The following PDE1A variants were observed in gnomAD, a reference collection of about 807,000 sequenced individuals.
The protein encoded by PDE1A is phosphodiesterase 1A.
In PDE1A, 35 loss-of-function variants were observed where a neutral mutation model predicts 61.7. The observed-to-expected ratio is 0.57, with a 90% CI of 0.43 to 0.75. The LOEUF (loss-of-function observed/expected upper bound fraction) is 0.75, where lower values mean the gene tolerates loss of function less well. Ranked by LOEUF, PDE1A falls within the 30% of genes least tolerant of loss-of-function variation. The probability of loss-of-function intolerance (pLI) is 0.00; values close to 1 mark genes in which losing one functional copy is unlikely to be tolerated. For missense variants in PDE1A, 597 were observed against 630.6 expected (o/e 0.95, Z 0.57); for synonymous variants, 232 against 213.2 (o/e 1.09, Z -0.77).
At chr2:182,653,662 T>C in the PDE1A span, among the ~76,000 whole-genome samples, 1 of 152,214 alleles carries the variant, frequency 6.6e-6, no homozygotes, top group Non-Finnish European at 1.5e-5. Flanking sequence ...GGGATTGATG[T>C]AATCAACTTG....
the PDE1A span, among the ~76,000 whole-genome samples, chr2:182,610,039 G>T: frequency 1.7e-4 from 25 of 149,914 alleles, no homozygotes; most frequent in African/African-American, 5.9e-4. Flanking sequence ...AGTGAGCCAA[G>T]ATTATGCCAC....
the PDE1A span, among the ~76,000 whole-genome samples, chr2:182,536,211 C>G: frequency 1.6e-4 from 24 of 152,318 alleles, no homozygotes; most frequent in Middle Eastern, 6.8e-3. Flanking sequence ...TAAAAAGCTA[C>G]AGTTTTCCAA....
the PDE1A span, among the ~76,000 whole-genome samples, chr2:182,678,886 C>T: frequency 2.6e-5 from 4 of 151,860 alleles, no homozygotes; most frequent in Non-Finnish European, 5.9e-5. Context: ...TTTCATTGCA[C>T]AGTATGGTAA....
Position 182,463,195 on chromosome 2 carries a change from C to T in PDE1A, c.101+59081G>A, listed in dbSNP as rs142438586. On this transcript the variant is annotated intron_variant, in intron 2 of 14. Transcript: ENST00000410103. ...CGGAGGTTGCAGTGAGCTGAGAGTG[C>T]GCCACTGCACTCCAGCCTGGGTGAC... 9.9e-3 allele frequency among the ~76,000 whole-genome samples: 1,504 copies of T among 151,714 alleles called. 20 individuals carry two copies. Among genetic ancestry groups the T allele is most frequent in the African/African-American group, 0.034 (1,397 of 41,338 alleles).
the PDE1A span, among the ~76,000 whole-genome samples, chr2:182,528,574 T>A: frequency 1.3e-5 from 2 of 152,156 alleles, no homozygotes; most frequent in Non-Finnish European, 2.9e-5. Flanking sequence ...GAAATTTGCA[T>A]AAGTAATGAG....
intron 2 of PDE1A, among the ~76,000 whole-genome samples, chr2:182,447,696 C>T (rs1032376428): frequency 6.6e-6 from 1 of 152,054 alleles, no homozygotes; most frequent in Non-Finnish European, 1.5e-5. Context: ...TCTATCTATA[C>T]TTTCCTATGG....
chr2:182,527,351 TATATATATATATATATATATATAC>T (rs1559543480), upstream of PDE1A, among the ~76,000 whole-genome samples: 326 of 79,854 alleles, frequency 4.1e-3, 14 homozygotes, highest in Admixed American at 4.8e-3. Flanking sequence ...TATATATATA[TATATATATATATATATATATATAC>T]ACATATATAT....
chr2:182,711,909 T>C, the PDE1A span, among the ~76,000 whole-genome samples: 2 of 152,192 alleles, frequency 1.3e-5, no homozygotes, highest in Non-Finnish European at 2.9e-5. Flanking sequence ...AATATGTTCA[T>C]AGAGTCTCAA....
intron 2 of PDE1A, among the ~76,000 whole-genome samples, chr2:182,477,795 A>G (rs539567160): frequency 6.6e-6 from 1 of 152,076 alleles, no homozygotes; most frequent in South Asian, 2.1e-4. Context: ...ACTCACTCAA[A>G]GTTTGAAAGC....
At chr2:182,170,784 G>T (rs1250117450) in intron 13 of PDE1A, among the ~76,000 whole-genome samples, 1 of 151,996 alleles carries the variant, frequency 6.6e-6, no homozygotes, top group East Asian at 1.9e-4. Context: ...GTAGTTAGTA[G>T]AATATGAATC....
intron 2 of PDE1A, among the ~76,000 whole-genome samples, chr2:182,499,113 AAGT>A (rs1688920931): frequency 6.7e-6 from 1 of 149,600 alleles, no homozygotes; most frequent in Non-Finnish European, 1.5e-5. Context: ...TCAGCCTTCC[AAGT>A]AGCTGGGATT....
chr2:182,248,174 T>C (rs1002293805), intron 2 of PDE1A, among the ~76,000 whole-genome samples: 6 of 151,274 alleles, frequency 4.0e-5, no homozygotes, highest in African/African-American at 1.5e-4. Context: ...GGAGAATCAC[T>C]TGAACCCAGA....
the PDE1A span, among the ~76,000 whole-genome samples, chr2:182,594,740 A>T: frequency 6.6e-6 from 1 of 152,166 alleles, no homozygotes; most frequent in African/African-American, 2.4e-5. Flanking sequence ...GGATTTTTTA[A>T]AAGTTGTTTT....
At chr2:182,314,140 C>T (rs1459959929) in intron 1 of PDE1A, 1 of 152,190 alleles carries the variant, frequency 6.6e-6, no homozygotes, top group East Asian at 1.9e-4. Context: ...CCCAAATTTT[C>T]ATCAACCAAT....
At chr2:182,405,662 C>T (rs1433826317) in intron 1 of PDE1A, among the ~76,000 whole-genome samples, 2 of 152,088 alleles carry the variant, frequency 1.3e-5, no homozygotes, top group Non-Finnish European at 1.5e-5. Context: ...TCAAAGGGTA[C>T]AAAGTTTGAG....
the PDE1A span, among the ~76,000 whole-genome samples, chr2:182,650,417 TA>T: frequency 3.3e-5 from 5 of 152,202 alleles, no homozygotes; most frequent in Non-Finnish European, 7.3e-5. Flanking sequence ...CATTAAAAGT[TA>T]TTTTTTTAAC....
At chr2:182,707,018 G>A in the PDE1A span, among the ~76,000 whole-genome samples, 1 of 152,322 alleles carries the variant, frequency 6.6e-6, no homozygotes, top group African/African-American at 2.4e-5. Context: ...AGGATTCTTT[G>A]AGGGAGATAC....
the PDE1A span, among the ~76,000 whole-genome samples, chr2:182,701,758 T>C: frequency 6.6e-6 from 1 of 152,142 alleles, no homozygotes. Flanking sequence ...CACCCTCTTG[T>C]GATTCTAGGT....
At chr2:182,626,326 G>C in the PDE1A span, among the ~76,000 whole-genome samples, 1 of 152,090 alleles carries the variant, frequency 6.6e-6, no homozygotes, top group Non-Finnish European at 1.5e-5. Context: ...TTCAATTTCA[G>C]AGAAAGGTTA....
Sources: allele counts gnomAD v4.1 joint callset (sites outside exome capture counted in the v4.1 genomes callset), GRCh38; gene constraint gnomAD v4.1.1; transcripts MANE v1.5; gene names NCBI Gene and HGNC (gene_info 2026-07-23, HGNC 2026-07-21).